Variants in TLN2 observed in about 807,000 individuals in gnomAD.
TLN2 encodes the protein talin-2.
In TLN2, 118 loss-of-function variants were observed where a neutral mutation model predicts 294.7. The ratio of observed to expected loss-of-function variants is 0.40; its 90% CI spans 0.34 to 0.47. The LOEUF (loss-of-function observed/expected upper bound fraction) is 0.47, where lower values mean the gene tolerates loss of function less well. Among genes scored for constraint, TLN2 ranks in the 20% least tolerant of loss-of-function variants. The pLI, the probability that TLN2 is intolerant of heterozygous loss-of-function variation, is 0.84. For synonymous variants in TLN2, 1,431 were observed against 1,304.5 expected, an observed-to-expected ratio of 1.10 and a Z score of -2.09; for missense variants, 3,083 against 3,282.2, an observed-to-expected ratio of 0.94 and a Z score of 1.48.
In TLN2 at chr15:62,478,915, T is replaced by G. The variant is rs904481540; in HGVS notation, c.-238+88230T>G. 2.0e-5 allele frequency among the ~76,000 whole-genome samples: 3 copies of G among 152,270 alleles called. No homozygotes were observed. The East Asian group carries it at 5.8e-4, about 29-fold the overall frequency. Reference sequence around the variant, plus strand: ...CCACCCACCAAATGCAGAATTAAGTTGAACCTACTTAGCCCGGCTTCCATG... The same window carrying G: ...CCACCCACCAAATGCAGAATTAAGTGGAACCTACTTAGCCCGGCTTCCATG... On this transcript the variant is annotated intron_variant, in intron 1 of 58. Coordinates refer to ENST00000636159, the MANE Select transcript of TLN2 (RefSeq NM_015059.3).
At chr15:62,519,148 T>C (rs946672641) in intron 1 of TLN2, among the ~76,000 whole-genome samples, 5 of 152,196 alleles carry the variant, frequency 3.3e-5, no homozygotes, top group African/African-American at 1.2e-4. Context: ...GATATGAAGG[T>C]GGAGTCCACA....
chr15:62,661,239 G>T (rs1411245901), intron 9 of TLN2, among the ~76,000 whole-genome samples: 1 of 152,122 alleles, frequency 6.6e-6, no homozygotes, highest in Non-Finnish European at 1.5e-5. Flanking sequence ...TGATAAAATT[G>T]AAGGTGACTC....
At chr15:62,762,598 A>G (rs2062744316) in intron 39 of TLN2, 145 bp downstream of exon 39, 1 of 888,848 alleles carries the variant, frequency 1.1e-6, no homozygotes, top group South Asian at 1.8e-5. Context: ...AGCACTGGTC[A>G]CAATAGTAAT....
intron 43 of TLN2, among the ~76,000 whole-genome samples, chr15:62,780,586 T>G (rs933285566): frequency 3.3e-5 from 5 of 152,224 alleles, no homozygotes; most frequent in Non-Finnish European, 7.3e-5. Context: ...TTCTCTCAGT[T>G]CCTATTGCAT....
chr15:62,570,489 G>A (rs183334158), intron 1 of TLN2, among the ~76,000 whole-genome samples: 6 of 152,280 alleles, frequency 3.9e-5, no homozygotes, highest in African/African-American at 1.4e-4. Context: ...AAGGATGTTT[G>A]GAAGGCAGTG....
At chr15:62,693,066 A>G (rs937854601) in intron 13 of TLN2, 125 bp downstream of exon 13, 2 of 752,730 alleles carry the variant, frequency 2.7e-6, no homozygotes, top group Admixed American at 5.5e-5. Context: ...ATGGTGGCTC[A>G]CGCCTGTAAT....
At chr15:62,464,325 A>C (rs1169097146) in intron 1 of TLN2, among the ~76,000 whole-genome samples, 1 of 152,226 alleles carries the variant, frequency 6.6e-6, no homozygotes, top group Non-Finnish European at 1.5e-5. Context: ...TCGCAAGGAC[A>C]GAAAACCAAA....
intron 47 of TLN2, 46 bp downstream of exon 47, chr15:62,796,339 C>G: frequency 1.9e-6 from 3 of 1,563,324 alleles, no homozygotes; most frequent in Non-Finnish European, 2.6e-6. Flanking sequence ...TGGCCTGCCC[C>G]TGAAACTCAT....
At chr15:62,430,070 C>G (rs572166111) in intron 1 of TLN2, among the ~76,000 whole-genome samples, 6 of 152,040 alleles carry the variant, frequency 3.9e-5, no homozygotes, top group Non-Finnish European at 8.8e-5. Context: ...CCTTTGAGTC[C>G]CCTGGAATGT....
intron 1 of TLN2, among the ~76,000 whole-genome samples, chr15:62,545,408 G>C (rs774600026): frequency 3.4e-4 from 51 of 152,228 alleles, no homozygotes; most frequent in Non-Finnish European, 2.2e-4. Context: ...AAAAAGGATG[G>C]AGGAAAAGGT....
At chr15:62,786,037 C>G (rs1027539391) in intron 45 of TLN2, among the ~76,000 whole-genome samples, 1 of 152,134 alleles carries the variant, frequency 6.6e-6, no homozygotes, top group African/African-American at 2.4e-5. Context: ...ATTCCAGACA[C>G]GAGAGCAGTG....
chr15:62,702,065 G>A lies in TLN2; in HGVS notation c.1770G>A (p.Met590Ile). ...ITTISSNLTE[M>I]SKGVKLLAAL... Reference sequence around the variant, plus strand: ...CTATTTCTTCCAACCTGACGGAGATGTCCAAGGGTGTGAAGCTATTGGCCG... The same window carrying A: ...CTATTTCTTCCAACCTGACGGAGATATCCAAGGGTGTGAAGCTATTGGCCG... The change falls in exon 18 of 59, where the codon ATG becomes ATA. Residue 590 changes from methionine to isoleucine, a missense_variant. By Grantham distance (10) the Met-to-Ile change is conservative. Coordinates refer to ENST00000636159, the MANE Select transcript of TLN2 (RefSeq NM_015059.3). 6.2e-7 allele frequency: 1 copy of A among 1,614,254 alleles called. No individual in the cohort carries two copies. The highest frequency in any genetic ancestry group is 8.5e-7 in the Non-Finnish European group (1 of 1,180,052).
At chr15:62,722,220 A>G in intron 25 of TLN2, 133 bp from the exon 26 acceptor site, 2 of 1,010,234 alleles carry the variant, frequency 2.0e-6, no homozygotes, top group Non-Finnish European at 2.8e-6. Flanking sequence ...GGAATAGGGG[A>G]TGAGTTGTTT....
At position 62,653,147 on chromosome 15, in the gene TLN2, AT is replaced by A. The variant is rs1567269589; in HGVS notation, c.365-12del. On this transcript the variant is annotated splice_polypyrimidine_tract_variant and intron_variant, in intron 6 of 58. Transcript: ENST00000636159. The stretch of plus-strand genomic sequence containing the variant: ...TTTAATTATTTATAATTATAACCTA[AT>A]TTCCAATGTTTAGGAATAACAAATT... The A allele has an allele frequency of 3.3e-6, 5 of 1,528,070 alleles. No homozygotes were observed. The highest frequency in any genetic ancestry group is 4.4e-6 in the Non-Finnish European group (5 of 1,135,918). 94.7% of individuals were successfully genotyped at this position (1,528,070 alleles called of 1,614,324 possible).
chr15:62,590,770 C>T (rs1026636667), intron 2 of TLN2, among the ~76,000 whole-genome samples: 12 of 152,232 alleles, frequency 7.9e-5, no homozygotes, highest in South Asian at 6.2e-4. Context: ...GTTCTTCTGC[C>T]GGTCTTAGTT....
chr15:62,662,751 T>A (rs1381779071), intron 9 of TLN2, among the ~76,000 whole-genome samples: 1 of 151,420 alleles, frequency 6.6e-6, no homozygotes, highest in Admixed American at 6.6e-5. Flanking sequence ...AATATATTCA[T>A]GATGATGAAT....
chr15:62,450,539 ATGTATGTATGTG>A (rs1485216207), intron 1 of TLN2, among the ~76,000 whole-genome samples: 4,881 of 61,834 alleles, frequency 0.079, 247 homozygotes, highest in African/African-American at 0.2. Flanking sequence ...GTATGTATGT[ATGTATGTATGTG>A]TGTGTGTGTG....
At chr15:62,755,727 TG>T in intron 37 of TLN2, 34 bp downstream of exon 37, 1 of 1,611,374 alleles carries the variant, frequency 6.2e-7, no homozygotes, top group Non-Finnish European at 8.5e-7. Context: ...TATTGAACTC[TG>T]TAACTCCTGT....
intron 1 of TLN2, among the ~76,000 whole-genome samples, chr15:62,564,915 A>ATATATATATATAT (rs1555430800): frequency 4.0e-5 from 5 of 123,908 alleles, no homozygotes; most frequent in African/African-American, 1.7e-4. Context: ...CAAAAAAAAA[A>ATATATATATATAT]AAAAAAAAAA....
Sources: allele counts gnomAD v4.1 joint callset (sites outside exome capture counted in the v4.1 genomes callset), GRCh38; gene constraint gnomAD v4.1.1; transcripts MANE v1.5; gene names NCBI Gene and HGNC (gene_info 2026-07-23, HGNC 2026-07-21).